DGKG: variants seen among roughly 807,000 people sequenced by gnomAD.
DGKG encodes the protein DAG kinase gamma.
In DGKG, 78 loss-of-function variants were observed where a neutral mutation model predicts 105.3. The ratio of observed to expected loss-of-function variants is 0.74; its 90% CI spans 0.62 to 0.89. The LOEUF is 0.89. DGKG is among the 40% of genes least tolerant of loss of function. The pLI is 0.00. For missense variants in DGKG, 958 were observed against 1,020.1 expected (o/e 0.94, Z 0.83); for synonymous variants, 346 against 367.1 (o/e 0.94, Z 0.66).
At chr3:186,152,206 G>A (rs1240127219) in intron 24 of DGKG, among the ~76,000 whole-genome samples, 1 of 152,196 alleles carries the variant, frequency 6.6e-6, no homozygotes, top group Non-Finnish European at 1.5e-5. Context: ...GCTTCCACCA[G>A]CCCAGAGACC....
At chr3:186,230,259 AAAACAAAC>A (rs555305452) in intron 20 of DGKG, among the ~76,000 whole-genome samples, 4 of 152,190 alleles carry the variant, frequency 2.6e-5, no homozygotes, top group African/African-American at 4.8e-5. Context: ...CTCCGTCTCA[AAAACAAAC>A]AAACAAACAA....
intron 5 of DGKG, among the ~76,000 whole-genome samples, chr3:186,289,414 T>C (rs1381244780): frequency 1.3e-5 from 2 of 152,180 alleles, no homozygotes; most frequent in Non-Finnish European, 2.9e-5. Flanking sequence ...GCAAGTCTAA[T>C]TTGGATGAAG....
intron 6 of DGKG, among the ~76,000 whole-genome samples, chr3:186,286,519 G>GTACT (rs10691463): frequency 0.11 from 16,221 of 152,120 alleles, 1,158 homozygotes; most frequent in African/African-American, 0.2. Context: ...TGCATTCAAA[G>GTACT]TACTTAGCAA....
intron 20 of DGKG, among the ~76,000 whole-genome samples, chr3:186,215,390 G>A (rs1719228502): frequency 7.3e-6 from 1 of 136,650 alleles, no homozygotes; most frequent in East Asian, 2.2e-4. Flanking sequence ...CAGCCTGGGT[G>A]ATAGAGTGAG....
At chr3:186,232,553 C>A (rs1227547844) in intron 20 of DGKG, among the ~76,000 whole-genome samples, 1 of 152,120 alleles carries the variant, frequency 6.6e-6, no homozygotes. Context: ...TGCTGTAATG[C>A]ACCAAAATGG....
intron 20 of DGKG, among the ~76,000 whole-genome samples, chr3:186,227,144 C>T (rs193159621): frequency 1.3e-5 from 2 of 152,124 alleles, no homozygotes; most frequent in Non-Finnish European, 1.5e-5. Context: ...AGCTAGGAGT[C>T]TATAAGTTAC....
chr3:186,327,991 A>C (rs375535077), intron 1 of DGKG, among the ~76,000 whole-genome samples: 1 of 151,870 alleles, frequency 6.6e-6, no homozygotes, highest in Non-Finnish European at 1.5e-5. Context: ...CTCCTGCCCC[A>C]CACACTCCAC....
At chr3:186,355,122 T>A (rs1002858126) in intron 1 of DGKG, among the ~76,000 whole-genome samples, 1 of 54,606 alleles carries the variant, frequency 1.8e-5, no homozygotes, top group African/African-American at 6.8e-5. Context: ...ACTATCTCCA[T>A]CATCACCCTG....
At chr3:186,338,169 C>CAAAAAAAAAAAAAAAAAAAAAAAAAA in intron 1 of DGKG, among the ~76,000 whole-genome samples, 1 of 75,842 alleles carries the variant, frequency 1.3e-5, no homozygotes, top group Non-Finnish European at 2.9e-5. Context: ...GACCCTATCT[C>CAAAAAAAAAAAAAAAAAAAAAAAAAA]AAAAAAAAAA....
intron 3 of DGKG, among the ~76,000 whole-genome samples, chr3:186,306,556 C>G (rs1724249228): frequency 1.3e-5 from 2 of 152,020 alleles, no homozygotes; most frequent in Non-Finnish European, 2.9e-5. Context: ...AGAAAAGGTA[C>G]AGATAGGTGG....
At chr3:186,340,766 G>A (rs1726050727) in intron 1 of DGKG, among the ~76,000 whole-genome samples, 1 of 152,158 alleles carries the variant, frequency 6.6e-6, no homozygotes, top group South Asian at 2.1e-4. Flanking sequence ...TTGATACATT[G>A]GCTTTATTTA....
intron 20 of DGKG, among the ~76,000 whole-genome samples, chr3:186,237,186 G>A (rs565044347): frequency 1.3e-5 from 2 of 152,180 alleles, no homozygotes; most frequent in South Asian, 4.2e-4. Flanking sequence ...TGACTTTATT[G>A]CAAACACCCT....
At position 186,153,969 on chromosome 3, in the gene DGKG, G is replaced by A. The variant is rs193167878; in HGVS notation, c.2278-3781C>T. ...AAAATACAAAAATTAGCTAGACGTGGAGGCGCGCCCTTAGCTACTTGGAAG... is the reference window on the plus strand; with the variant it reads ...AAAATACAAAAATTAGCTAGACGTGAAGGCGCGCCCTTAGCTACTTGGAAG... On this transcript the variant is annotated intron_variant, in intron 24 of 24. Coordinates refer to ENST00000265022, the MANE Select transcript of DGKG (RefSeq NM_001346.3). Among the ~76,000 whole-genome samples the A allele has an allele frequency of 3.4e-3, 512 of 152,282 alleles. 1 individual carries two copies. The highest frequency in any genetic ancestry group is 5.8e-3 in the Admixed American group (88 of 15,294).
chr3:186,167,000 G>A (rs1018739559), intron 22 of DGKG, among the ~76,000 whole-genome samples: 3 of 152,230 alleles, frequency 2.0e-5, no homozygotes, highest in East Asian at 1.9e-4. Context: ...AAATTTTCCC[G>A]TTGAATGGCT....
intron 3 of DGKG, among the ~76,000 whole-genome samples, chr3:186,306,508 G>T (rs563369401): frequency 6.6e-6 from 1 of 152,132 alleles, no homozygotes; most frequent in Admixed American, 6.5e-5. Flanking sequence ...GGAGTTGGAC[G>T]TAGATAGGAG....
intron 24 of DGKG, chr3:186,161,296 G>T: frequency 8.6e-7 from 1 of 1,156,390 alleles, no homozygotes; most frequent in Non-Finnish European, 1.1e-6. Flanking sequence ...TTCAAGCTGA[G>T]GCTGTCCAGG....
At position 186,287,285 on chromosome 3, in the gene DGKG, G is replaced by A. The variant is rs563015261; in HGVS notation, c.544+1425C>T. Among the ~76,000 whole-genome samples the A allele has an allele frequency of 8.5e-5, 13 of 152,248 alleles. No individual in the cohort carries two copies. In the South Asian group the frequency reaches 2.7e-3, roughly 32 times the overall value. ...ATGGTATTGAGGTTATATTTAAGAA[G>A]AAGAGTCTGCGATTTTAGAGGTACA... On this transcript the variant is annotated intron_variant, in intron 6 of 24. Transcript: ENST00000265022.
intron 23 of DGKG, among the ~76,000 whole-genome samples, chr3:186,162,623 T>C (rs1329399053): frequency 6.6e-6 from 1 of 152,188 alleles, no homozygotes; most frequent in Non-Finnish European, 1.5e-5. Flanking sequence ...CACTGCAAGC[T>C]CTGCCTCCTA....
At chr3:186,303,867 C>T (rs774603162) in intron 3 of DGKG, among the ~76,000 whole-genome samples, 8 of 152,200 alleles carry the variant, frequency 5.3e-5, no homozygotes, top group African/African-American at 1.7e-4. Context: ...ACAGCTAACT[C>T]GTTTCTCATT....
Sources: gnomAD v4.1 joint callset for allele counts (sites outside exome capture counted in the v4.1 genomes callset) on GRCh38, gnomAD v4.1.1 for gene constraint, MANE v1.5 for transcripts, NCBI Gene and HGNC (gene_info 2026-07-23, HGNC 2026-07-21) for gene names.